The following KCND2 variants were observed in gnomAD, a reference collection of about 807,000 sequenced individuals.
The protein encoded by KCND2 is A-type voltage-gated potassium channel KCND2.
In KCND2, 16 loss-of-function variants were observed where a neutral mutation model predicts 54.4. The observed-to-expected ratio is 0.29, with a 90% CI of 0.20 to 0.45. KCND2 has a LOEUF of 0.45. Ranked by LOEUF, KCND2 falls within the 20% of genes least tolerant of loss-of-function variation. The pLI, the probability that KCND2 is intolerant of heterozygous loss-of-function variation, is 1.00. For synonymous variants in KCND2, 317 were observed against 310.7 expected, an observed-to-expected ratio of 1.02 and a Z score of -0.21; for missense variants, 486 against 824.2, an observed-to-expected ratio of 0.59 and a Z score of 5.02.
chr7:120,308,647 A>T (rs1398735852), intron 1 of KCND2, among the ~76,000 whole-genome samples: 1 of 152,186 alleles, frequency 6.6e-6, no homozygotes, highest in Non-Finnish European at 1.5e-5. Context: ...CATGCCCTGG[A>T]TATAATCATT....
intron 2 of KCND2, among the ~76,000 whole-genome samples, chr7:120,740,139 G>A (rs1229014050): frequency 6.6e-6 from 1 of 151,980 alleles, no homozygotes; most frequent in Non-Finnish European, 1.5e-5. Flanking sequence ...GTATATACAT[G>A]TGAATATATC....
In KCND2 at chr7:120,333,609, G is replaced by T. The variant is rs111239583; in HGVS notation, c.1115+57862G>T. On this transcript the variant is annotated intron_variant, in intron 1 of 5. Transcript: ENST00000331113. ...AAATTCAATAAAAATTTGTGGAAATGATTTTAATATAATAATTTCCAGAAT... is the reference window on the plus strand; with the variant it reads ...AAATTCAATAAAAATTTGTGGAAATTATTTTAATATAATAATTTCCAGAAT... 3.5e-3 allele frequency among the ~76,000 whole-genome samples: 531 copies of T among 152,174 alleles called. 2 individuals carry two copies. The highest frequency in any genetic ancestry group is 0.012 in the African/African-American group (503 of 41,538).
chr7:120,298,082 TG>T (rs1799535697), intron 1 of KCND2, among the ~76,000 whole-genome samples: 1 of 152,186 alleles, frequency 6.6e-6, no homozygotes, highest in Non-Finnish European at 1.5e-5. Context: ...TGGTTCTATG[TG>T]GCTAATAGCT....
At chr7:120,730,708 T>C (rs1193502501) in intron 1 of KCND2, among the ~76,000 whole-genome samples, 1 of 152,140 alleles carries the variant, frequency 6.6e-6, no homozygotes, top group Non-Finnish European at 1.5e-5. Flanking sequence ...TACCTGGATC[T>C]TCAAATCAAA....
chr7:120,431,257 CT>C (rs1388077737), intron 1 of KCND2, among the ~76,000 whole-genome samples: 5 of 152,074 alleles, frequency 3.3e-5, no homozygotes, highest in African/African-American at 1.2e-4. Context: ...TAATACCTAC[CT>C]TTTTAAAGTA....
intron 1 of KCND2, among the ~76,000 whole-genome samples, chr7:120,535,032 A>G (rs547145348): frequency 3.9e-5 from 6 of 152,306 alleles, no homozygotes; most frequent in African/African-American, 1.4e-4. Context: ...TGATACAAAT[A>G]TAGTTGAAAT....
chr7:120,398,972 C>T (rs1801200774), intron 1 of KCND2, among the ~76,000 whole-genome samples: 1 of 151,916 alleles, frequency 6.6e-6, no homozygotes, highest in South Asian at 2.1e-4. Flanking sequence ...GTTCTCTCCC[C>T]TCCATAAAGC....
chr7:120,414,833 T>C (rs140814978), intron 1 of KCND2, among the ~76,000 whole-genome samples: 7 of 152,332 alleles, frequency 4.6e-5, no homozygotes, highest in Admixed American at 2.6e-4. Context: ...GGTGCTTTCA[T>C]ACTACCATCA....
At position 120,335,460 on chromosome 7, in the gene KCND2, CTTACTTACTTATTTAT is replaced by C. The variant is rs747792871; in HGVS notation, c.1115+59717_1115+59732del. 7.4e-4 allele frequency among the ~76,000 whole-genome samples: 101 copies of C among 136,786 alleles called. 2 individuals carry two copies. Among genetic ancestry groups the C allele is most frequent in the Admixed American group, 2.9e-3 (40 of 13,946 alleles). The allele number at this position is 136,786 out of a possible 152,430, so 89.7% of individuals were successfully genotyped here. A position where few individuals can be genotyped will look rare whatever the true frequency, so the allele number is the denominator to read the frequency against. ...CTTTATTTATTTATTTATTTATTTA[CTTACTTACTTATTTAT>C]TTATTTATTTATTTATTTATTTATT... On this transcript the variant is annotated intron_variant, in intron 1 of 5. Coordinates refer to ENST00000331113, the MANE Select transcript of KCND2 (RefSeq NM_012281.3).
intron 1 of KCND2, among the ~76,000 whole-genome samples, chr7:120,463,609 A>T (rs1317897982): frequency 6.6e-6 from 1 of 151,868 alleles, no homozygotes; most frequent in African/African-American, 2.4e-5. Flanking sequence ...TTTTCTCTTT[A>T]CTCTTGGGTT....
chr7:120,641,935 C>T (rs1396050347), intron 1 of KCND2, among the ~76,000 whole-genome samples: 1 of 151,812 alleles, frequency 6.6e-6, no homozygotes, highest in Non-Finnish European at 1.5e-5. Context: ...CATTGTCATT[C>T]TTTAACAAGA....
At chr7:120,324,566 C>G (rs1358871057) in intron 1 of KCND2, among the ~76,000 whole-genome samples, 5 of 149,594 alleles carry the variant, frequency 3.3e-5, no homozygotes, top group African/African-American at 1.2e-4. Flanking sequence ...AATCCTTTCC[C>G]CATTGCTTGT....
At chr7:120,533,568 G>A (rs1388439533) in intron 1 of KCND2, among the ~76,000 whole-genome samples, 1 of 152,084 alleles carries the variant, frequency 6.6e-6, no homozygotes, top group East Asian at 1.9e-4. Flanking sequence ...TCTTAAAAAT[G>A]ATAATATGTT....
At chr7:120,497,616 T>C (rs1802869238) in intron 1 of KCND2, among the ~76,000 whole-genome samples, 3 of 152,298 alleles carry the variant, frequency 2.0e-5, no homozygotes, top group Middle Eastern at 3.4e-3. Flanking sequence ...GGTCTAGTCT[T>C]TGTTCTTATA....
At chr7:120,688,552 G>A (rs896495640) in intron 1 of KCND2, among the ~76,000 whole-genome samples, 10 of 152,228 alleles carry the variant, frequency 6.6e-5, no homozygotes, top group African/African-American at 1.9e-4. Flanking sequence ...ACCTGACATC[G>A]CACAGATAAT....
rs1793184360 is a variant in KCND2 at position 120,628,052 on chromosome 7, C to T, written c.1116-104851C>T. On this transcript the variant is annotated intron_variant, in intron 1 of 5. Transcript: ENST00000331113. ...GGAAATTTGACATTTAAAAAAAATG[C>T]ACATGTTGGTTCCAAGAATCTTCAG... Among the ~76,000 whole-genome samples, 4 of 152,032 alleles carry T rather than the reference C, an allele frequency of 2.6e-5. 1 individual carries two copies. The South Asian group carries it at 8.3e-4, about 32-fold the overall frequency.
chr7:120,607,976 G>C (rs539710507), intron 1 of KCND2, among the ~76,000 whole-genome samples: 1 of 150,604 alleles, frequency 6.6e-6, no homozygotes, highest in Admixed American at 6.7e-5. Flanking sequence ...TTAAGCTTTA[G>C]CCAAAAAGTA....
rs144485031 is a variant in KCND2 at position 120,536,312 on chromosome 7, G to A, written c.1116-196591G>A. ...GTCAGTGAGTCTTAATCTTTTTACT[G>A]GTGGAGAGTCTTGCCTTGATGTTGA... On this transcript the variant is annotated intron_variant, in intron 1 of 5. Transcript: ENST00000331113. Among the ~76,000 whole-genome samples, 115 of 152,134 alleles carry A rather than the reference G, an allele frequency of 7.6e-4. 3 individuals are homozygous for A. The East Asian group carries it at 0.014, about 18-fold the overall frequency.
intron 1 of KCND2, among the ~76,000 whole-genome samples, chr7:120,342,205 C>T (rs1319963749): frequency 6.6e-6 from 1 of 152,146 alleles, no homozygotes; most frequent in Non-Finnish European, 1.5e-5. Context: ...CCAATCATGG[C>T]TCTGCCATTT....
Sources: gnomAD v4.1 joint callset for allele counts (sites outside exome capture counted in the v4.1 genomes callset) on GRCh38, gnomAD v4.1.1 for gene constraint, MANE v1.5 for transcripts, NCBI Gene and HGNC (gene_info 2026-07-23, HGNC 2026-07-21) for gene names.